Variants in UNC45B observed in about 807,000 individuals in gnomAD.
The protein encoded by UNC45B is protein unc-45 homolog B.
In UNC45B, 78 loss-of-function variants were observed where a neutral mutation model predicts 98.7. That is an observed-to-expected ratio of 0.79 (90% CI 0.66 to 0.95). The LOEUF is 0.95. Ranked by LOEUF, UNC45B falls within the 40% of genes least tolerant of loss-of-function variation. UNC45B has a pLI of 0.00. For synonymous variants in UNC45B, 462 were observed against 480.4 expected (o/e 0.96, Z 0.50); for missense variants, 1,225 against 1,184.9 (o/e 1.03, Z -0.50).
chr17:35,157,117 C>A (rs188597289), intron 7 of UNC45B, among the ~76,000 whole-genome samples: 2 of 152,246 alleles, frequency 1.3e-5, no homozygotes, highest in East Asian at 3.9e-4. Flanking sequence ...ATGGATTATT[C>A]ATCAATCAGC....
chr17:35,164,184 C>T lies in UNC45B; in HGVS notation c.1151+18C>T, dbSNP rs190150367. ...TATATCACGTAAGTTTCCTGGAGGC[C>T]TCACAGGGTCAGGCTCTGTCTTGGT... On this transcript the variant is annotated intron_variant, in intron 9 of 19. Coordinates refer to ENST00000394570, the MANE Select transcript of UNC45B (RefSeq NM_001267052.2). 422 of 1,599,018 alleles carry T rather than the reference C, an allele frequency of 2.6e-4. 2 individuals carry two copies. Among genetic ancestry groups the T allele is most frequent in the South Asian group, 2.2e-4 (20 of 89,098 alleles).
chr17:35,180,579 G>C lies in UNC45B; in HGVS notation c.2276G>C (p.Arg759Thr), dbSNP rs772105727. The C allele has an allele frequency of 1.2e-6, 2 of 1,613,856 alleles. No homozygotes were observed. The highest frequency in any genetic ancestry group is 2.2e-5 in the South Asian group (2 of 91,038). Reference protein sequence around the residue: ...DKLRQKIFKERALPDIENYMF... With the variant: ...DKLRQKIFKETALPDIENYMF... The stretch of plus-strand genomic sequence containing the variant: ...CCTAGGCAGAAGATCTTTAAGGAGA[G>C]GGCCTTGCCAGACATCGAGAACTAC... Residue 759 changes from arginine (R) to threonine (T), a missense_variant, in exon 18 of 20, where the codon AGG becomes ACG. Physicochemically the swap from Arg to Thr is moderately conservative, Grantham distance 71. Coordinates refer to ENST00000394570, the MANE Select transcript of UNC45B (RefSeq NM_001267052.2).
At chr17:35,175,834 C>T (rs1425468805) in intron 14 of UNC45B, 134 bp from the exon 15 acceptor site, 3 of 761,530 alleles carry the variant, frequency 3.9e-6, no homozygotes, top group East Asian at 2.7e-5. Context: ...GGCACAGGCA[C>T]ACAAGTGGCA....
chr17:35,172,667 C>T (rs1303612981), intron 13 of UNC45B, among the ~76,000 whole-genome samples: 11 of 152,134 alleles, frequency 7.2e-5, no homozygotes, highest in Admixed American at 7.2e-4. Context: ...CAGCCCCTTC[C>T]CCACCACTCC....
chr17:35,175,868 C>T, intron 14 of UNC45B, 100 bp from the exon 15 acceptor site: 1 of 1,136,098 alleles, frequency 8.8e-7, no homozygotes, highest in South Asian at 1.3e-5. Flanking sequence ...CCCTTTTCAT[C>T]CCAGGGTTTC....
At chr17:35,183,848 C>T (rs899257916) in intron 19 of UNC45B, among the ~76,000 whole-genome samples, 4 of 152,192 alleles carry the variant, frequency 2.6e-5, no homozygotes, top group African/African-American at 9.7e-5. Context: ...TACCTCATTG[C>T]TTAAGAACAA....
Position 35,164,184 on chromosome 17 carries a change from C to G in UNC45B, c.1151+18C>G. ...TATATCACGTAAGTTTCCTGGAGGC[C>G]TCACAGGGTCAGGCTCTGTCTTGGT... On this transcript the variant is annotated intron_variant, in intron 9 of 19. Coordinates refer to ENST00000394570, the MANE Select transcript of UNC45B (RefSeq NM_001267052.2). 1 of 1,599,018 alleles carries G rather than the reference C, an allele frequency of 6.3e-7. No homozygotes were observed. Among genetic ancestry groups the G allele is most frequent in the Non-Finnish European group, 8.5e-7 (1 of 1,171,656 alleles).
At chr17:35,177,796 C>T (rs1392240186) in intron 17 of UNC45B, among the ~76,000 whole-genome samples, 186 bp downstream of exon 17, 1 of 151,946 alleles carries the variant, frequency 6.6e-6, no homozygotes, top group Non-Finnish European at 1.5e-5. Flanking sequence ...GCTACAAGGC[C>T]CTTCTTTTTC....
At chr17:35,182,269 T>G (rs2092278793) in intron 18 of UNC45B, among the ~76,000 whole-genome samples, 1 of 152,110 alleles carries the variant, frequency 6.6e-6, no homozygotes, top group Non-Finnish European at 1.5e-5. Context: ...TTTTGTATTT[T>G]TAGTAGAGAC....
chr17:35,153,060 G>C (rs1030961389), intron 5 of UNC45B, 78 bp downstream of exon 5: 18 of 1,272,330 alleles, frequency 1.4e-5, no homozygotes, highest in Middle Eastern at 5.1e-4. Flanking sequence ...AGGGGGAAGG[G>C]GGACCGGAGG....
In UNC45B at chr17:35,185,522, G is replaced by A. The variant is rs557423582; in HGVS notation, c.2530-777G>A. Among the ~76,000 whole-genome samples, 568 of 152,054 alleles carry A rather than the reference G, an allele frequency of 3.7e-3. 3 individuals carry two copies. Among genetic ancestry groups the A allele is most frequent in the Non-Finnish European group, 5.4e-3 (365 of 67,992 alleles). On this transcript the variant is annotated intron_variant, in intron 19 of 19. Transcript: ENST00000394570. The stretch of plus-strand genomic sequence containing the variant: ...GGGGTTTCCCCATGTTGGCCAGGCT[G>A]GTCTCAAACTCCTGACCTCATGCTC...
intron 8 of UNC45B, among the ~76,000 whole-genome samples, chr17:35,161,504 C>A (rs1307597606): frequency 1.3e-5 from 2 of 152,022 alleles, no homozygotes; most frequent in Non-Finnish European, 2.9e-5. Context: ...TGGAGAGGGG[C>A]ATTTGAGGGA....
intron 9 of UNC45B, 21 bp from the exon 10 acceptor site, chr17:35,168,040 C>T: frequency 2.1e-6 from 3 of 1,429,748 alleles, no homozygotes; most frequent in East Asian, 2.6e-5. Flanking sequence ...TTCTCTTGAC[C>T]ACCCTTGTCC....
intron 5 of UNC45B, among the ~76,000 whole-genome samples, chr17:35,153,525 A>G (rs929161992): frequency 6.6e-6 from 1 of 152,034 alleles, no homozygotes; most frequent in Admixed American, 6.6e-5. Context: ...CTGCAGGGGA[A>G]AAAAATTGAA....
chr17:35,154,601 C>T lies in UNC45B; in HGVS notation c.499C>T (p.Arg167Cys), dbSNP rs142719029. The T allele has an allele frequency of 2.7e-5, 43 of 1,613,434 alleles. No homozygotes were observed. The highest frequency in any genetic ancestry group is 1.6e-4 in the Middle Eastern group (1 of 6,062). Residue 167 changes from arginine to cysteine, a missense_variant, in exon 6 of 20, where the codon CGT (arginine) becomes TGT (cysteine). Coordinates refer to ENST00000394570, the MANE Select transcript of UNC45B (RefSeq NM_001267052.2). ...KAANNLIVLGREEAGAEKIFQ... is the reference protein window; with the variant it reads ...KAANNLIVLGCEEAGAEKIFQ... ...TGCCAACAATCTCATTGTCCTAGGCCGTGAGGAAGCAGGGGCTGAGAAGAT... is the reference window on the plus strand; with the variant it reads ...TGCCAACAATCTCATTGTCCTAGGCTGTGAGGAAGCAGGGGCTGAGAAGAT...
Position 35,175,992 on chromosome 17 carries a change from C to A in UNC45B, c.1983C>A (p.Asn661Lys), listed in dbSNP as rs755022780. The A allele has an allele frequency of 1.9e-6, 3 of 1,614,126 alleles. No individual in the cohort carries two copies. The highest frequency in any genetic ancestry group is 2.5e-6 in the Non-Finnish European group (3 of 1,180,022). The change falls in exon 15 of 20, where the codon AAC (asparagine) becomes AAA (lysine). Residue 661 changes from asparagine to lysine, a missense_variant. Asn to Lys is a moderately conservative substitution (Grantham distance 94). Transcript: ENST00000394570. ...LARVFLALCD[N>K]PKDRGTIVAQ... The stretch of plus-strand genomic sequence containing the variant: ...GGGTATTCCTGGCACTGTGTGACAA[C>A]CCAAAGGACCGAGGCACCATTGTGG...
At chr17:35,173,814 A>AT (rs34777618) in intron 13 of UNC45B, among the ~76,000 whole-genome samples, 51,055 of 136,572 alleles carry the variant, frequency 0.37, 9,483 homozygotes, top group Middle Eastern at 0.41. Context: ...TAGGCCATGG[A>AT]TTTTTTTTTT....
At chr17:35,176,157 C>T in intron 15 of UNC45B, 123 bp downstream of exon 15, 1 of 945,738 alleles carries the variant, frequency 1.1e-6, no homozygotes. Flanking sequence ...TCTGCGCTGT[C>T]TGTGCTCATA....
intron 9 of UNC45B, 45 bp from the exon 10 acceptor site, chr17:35,168,016 C>A (rs1004195458): frequency 7.2e-7 from 1 of 1,387,244 alleles, no homozygotes; most frequent in Non-Finnish European, 9.4e-7. Context: ...ACTCTTTCCA[C>A]TCTCTTGGAC....
Sources: gnomAD v4.1 joint callset for allele counts (sites outside exome capture counted in the v4.1 genomes callset) on GRCh38, gnomAD v4.1.1 for gene constraint, MANE v1.5 for transcripts, NCBI Gene and HGNC (gene_info 2026-07-23, HGNC 2026-07-21) for gene names.